The following PRRT4 variants were observed in gnomAD, a reference collection of about 807,000 sequenced individuals.
PRRT4 encodes proline-rich transmembrane protein 4.
Under a neutral mutation model 55.6 loss-of-function variants are expected in PRRT4, and 59 were observed. That is an observed-to-expected ratio of 1.06 (90% CI 0.86 to 1.32). The LOEUF (loss-of-function observed/expected upper bound fraction) is 1.32, where lower values mean the gene tolerates loss of function less well. PRRT4 is among the 40% of genes most tolerant of loss of function. PRRT4 has a pLI of 0.00. For synonymous variants in PRRT4, 606 were observed against 601.8 expected, an observed-to-expected ratio of 1.01 and a Z score of -0.10; for missense variants, 1,217 against 1,222.0, an observed-to-expected ratio of 1.00 and a Z score of 0.06.
At chr7:128,354,767 A>C (rs1211595440) in intron 4 of PRRT4, among the ~76,000 whole-genome samples, 1 of 152,226 alleles carries the variant, frequency 6.6e-6, no homozygotes, top group African/African-American at 2.4e-5. Flanking sequence ...CAGCCAAAAC[A>C]TTAAATATAC....
At chr7:128,352,988 CAG>C (rs1584680925) in intron 4 of PRRT4, among the ~76,000 whole-genome samples, 1 of 152,168 alleles carries the variant, frequency 6.6e-6, no homozygotes, top group East Asian at 1.9e-4. Context: ...TTTGAAGTCA[CAG>C]AACTTTACAA....
intron 4 of PRRT4, among the ~76,000 whole-genome samples, chr7:128,355,878 C>T (rs1311819639): frequency 6.6e-6 from 1 of 152,184 alleles, no homozygotes; most frequent in African/African-American, 2.4e-5. Context: ...CACCCTCTTC[C>T]ATCTTTACTT....
At chr7:128,357,590 C>T (rs1250103115) in intron 4 of PRRT4, among the ~76,000 whole-genome samples, 1 of 152,206 alleles carries the variant, frequency 6.6e-6, no homozygotes, top group Non-Finnish European at 1.5e-5. Flanking sequence ...GGCCCCTCAC[C>T]CACCATCCAA....
exon 5 of PRRT4, chr7:128,351,277 C>T: frequency 6.5e-7 from 1 of 1,540,998 alleles, no homozygotes; most frequent in Non-Finnish European, 8.7e-7. Flanking sequence ...GCGGTAGAGT[C>T]CGAGCCCAGG....
At chr7:128,359,083 G>T in intron 3 of PRRT4, 66 bp downstream of exon 4, 1 of 1,476,244 alleles carries the variant, frequency 6.8e-7, no homozygotes, top group Non-Finnish European at 9.3e-7. Context: ...TACTTGTTAG[G>T]CTCCTAGCAC....
intron 4 of PRRT4, among the ~76,000 whole-genome samples, chr7:128,353,406 C>T (rs1318921009): frequency 6.6e-6 from 1 of 152,116 alleles, no homozygotes; most frequent in Admixed American, 6.5e-5. Context: ...TACTCCCCCA[C>T]CTTATCTCCA....
chr7:128,351,705 C>A (rs1326352932), exon 5 of PRRT4: 3 of 1,496,584 alleles, frequency 2.0e-6, no homozygotes, highest in Non-Finnish European at 2.7e-6. Flanking sequence ...AGAGGCCCAG[C>A]AGCGCCAACG....
intron 4 of PRRT4, among the ~76,000 whole-genome samples, chr7:128,356,191 G>A (rs1797108679): frequency 4.7e-5 from 7 of 150,236 alleles, no homozygotes; most frequent in Admixed American, 4.6e-4. Context: ...CCCGGAGGAT[G>A]CAGTGAGCTG....
downstream of PRRT4, chr7:128,350,830 C>T (rs761279292): frequency 6.5e-7 from 1 of 1,547,716 alleles, no homozygotes; most frequent in South Asian, 1.2e-5. Flanking sequence ...AGGGGCATAT[C>T]GCAGGGTAGC....
chr7:128,356,135 T>C (rs770696883), intron 4 of PRRT4, among the ~76,000 whole-genome samples: 3 of 152,046 alleles, frequency 2.0e-5, no homozygotes, highest in African/African-American at 4.8e-5. Flanking sequence ...GGCAGACACC[T>C]GTAGTCCCAG....
exon 5 of PRRT4, chr7:128,352,456 A>C: frequency 3.9e-6 from 6 of 1,539,034 alleles, no homozygotes; most frequent in Non-Finnish European, 5.2e-6. Context: ...TACCCCGTAC[A>C]CGTGGGCCTC....
chr7:128,359,299 T>G, intron 2 of PRRT4, 41 bp downstream of exon 3: 2 of 1,530,770 alleles, frequency 1.3e-6, no homozygotes, highest in Non-Finnish European at 1.8e-6. Context: ...CTGCCAGGGG[T>G]GCCCAGCAGG....
At chr7:128,355,917 C>G (rs1181433761) in intron 4 of PRRT4, among the ~76,000 whole-genome samples, 1 of 152,200 alleles carries the variant, frequency 6.6e-6, no homozygotes, top group Admixed American at 6.5e-5. Flanking sequence ...GAAACCTTAT[C>G]TCTCATCTCT....
exon 5 of PRRT4, chr7:128,352,499 C>T: frequency 1.9e-6 from 3 of 1,541,842 alleles, no homozygotes; most frequent in Non-Finnish European, 1.7e-6. Flanking sequence ...CTGGCCTCTG[C>T]CCAGTCGGCC....
intron 4 of PRRT4, among the ~76,000 whole-genome samples, chr7:128,357,670 A>C (rs1177880747): frequency 3.9e-5 from 6 of 152,336 alleles, no homozygotes; most frequent in Middle Eastern, 3.4e-3. Context: ...AGCTGGAAGA[A>C]GCTGGGGAGA....
exon 5 of PRRT4, chr7:128,351,938 G>A (rs1327820098): frequency 3.1e-6 from 4 of 1,295,262 alleles, no homozygotes; most frequent in East Asian, 6.3e-5. Flanking sequence ...TGCGGCAGGG[G>A]TGTGGCGCCC....
exon 5 of PRRT4, chr7:128,351,584 G>T: frequency 6.7e-7 from 1 of 1,503,334 alleles, no homozygotes; most frequent in Non-Finnish European, 8.8e-7. Flanking sequence ...TCCTTGTCTG[G>T]GGGCCCAGTG....
At chr7:128,351,037 G>A in exon 5 of PRRT4, 1 of 1,549,528 alleles carries the variant, frequency 6.5e-7, no homozygotes, top group Non-Finnish European at 8.7e-7. Context: ...GCTGCTTCCT[G>A]AGGGCCGCGG....
exon 5 of PRRT4, chr7:128,352,026 G>A: frequency 1.5e-6 from 2 of 1,307,622 alleles, no homozygotes; most frequent in Non-Finnish European, 2.0e-6. Context: ...GCAGCAGCCC[G>A]GAAAGGAAAG....
Sources: allele counts gnomAD v4.1 joint callset (sites outside exome capture counted in the v4.1 genomes callset), GRCh38; gene constraint gnomAD v4.1.1; transcripts MANE v1.5; gene names NCBI Gene and HGNC (gene_info 2026-07-23, HGNC 2026-07-21).